The following TENM2 variants were observed in gnomAD, a reference collection of about 807,000 sequenced individuals.
The protein encoded by TENM2 is teneurin transmembrane protein 2.
Under a neutral mutation model 245.2 loss-of-function variants are expected in TENM2, and 52 were observed. The observed-to-expected ratio is 0.21, with a 90% CI of 0.17 to 0.27. The LOEUF (loss-of-function observed/expected upper bound fraction) is 0.27, where lower values mean the gene tolerates loss of function less well. Among genes scored for constraint, TENM2 ranks in the 10% least tolerant of loss-of-function variants. The pLI is 1.00. For synonymous variants in TENM2, 1,363 were observed against 1,438.9 expected (o/e 0.95, Z 1.19); for missense variants, 3,046 against 3,666.8 (o/e 0.83, Z 4.37).
chr5:167,233,922 TA>T, the TENM2 span, among the ~76,000 whole-genome samples: 1 of 149,866 alleles, frequency 6.7e-6, no homozygotes. Flanking sequence ...AATGGTGCTT[TA>T]AAAAAGGATG....
At chr5:167,782,313 CAAAAAAAAAAA>C (rs767675565) in intron 2 of TENM2, among the ~76,000 whole-genome samples, 1 of 58,772 alleles carries the variant, frequency 1.7e-5, no homozygotes, top group Non-Finnish European at 3.3e-5. Context: ...AACTCTGTCT[CAAAAAAAAAAA>C]AAAAAAAAAA....
chr5:167,133,844 G>T, the TENM2 span, among the ~76,000 whole-genome samples: 24 of 150,136 alleles, frequency 1.6e-4, no homozygotes, highest in Non-Finnish European at 2.5e-4. Flanking sequence ...AAGGAAAAAA[G>T]AAAATCAAGG....
At chr5:167,432,749 C>A (rs1018558575) in intron 2 of TENM2, among the ~76,000 whole-genome samples, 2 of 152,004 alleles carry the variant, frequency 1.3e-5, no homozygotes, top group Non-Finnish European at 2.9e-5. Context: ...TACCTTTCTC[C>A]CTCATTTCCA....
intron 5 of TENM2, among the ~76,000 whole-genome samples, chr5:168,030,714 A>C (rs999100258): frequency 6.6e-6 from 1 of 152,224 alleles, no homozygotes; most frequent in Non-Finnish European, 1.5e-5. Context: ...ATGGAGCTCT[A>C]TGAAGCTACA....
the TENM2 span, among the ~76,000 whole-genome samples, chr5:167,210,112 G>T: frequency 2.0e-5 from 3 of 152,240 alleles, no homozygotes; most frequent in African/African-American, 7.2e-5. Flanking sequence ...TAACCCACAG[G>T]ATAACTTCAT....
chr5:167,509,640 G>A (rs1383400653), intron 2 of TENM2, among the ~76,000 whole-genome samples: 3 of 152,138 alleles, frequency 2.0e-5, no homozygotes, highest in Non-Finnish European at 4.4e-5. Context: ...GACTTCTCTA[G>A]AAGAGGTCAT....
chr5:167,317,611 G>C (rs973867968), intron 1 of TENM2, among the ~76,000 whole-genome samples: 13 of 152,138 alleles, frequency 8.5e-5, no homozygotes, highest in Admixed American at 8.5e-4. Context: ...CTTAGGCACT[G>C]CCTGCCATTG....
At chr5:168,109,631 A>C (rs1458382684) in intron 9 of TENM2, among the ~76,000 whole-genome samples, 2 of 152,190 alleles carry the variant, frequency 1.3e-5, no homozygotes, top group Non-Finnish European at 2.9e-5. Flanking sequence ...GATTTTGTTA[A>C]ATATCCAAAT....
chr5:167,926,491 G>A (rs166028), intron 3 of TENM2, among the ~76,000 whole-genome samples: 6,209 of 152,146 alleles, frequency 0.041, 177 homozygotes, highest in Non-Finnish European at 0.059. Context: ...AGGCCAAGGC[G>A]GACAGATCAC....
At chr5:167,357,000 T>G (rs894776112) in intron 1 of TENM2, among the ~76,000 whole-genome samples, 2 of 152,204 alleles carry the variant, frequency 1.3e-5, no homozygotes, top group Non-Finnish European at 2.9e-5. Flanking sequence ...ATTGTGGGCC[T>G]TATAATACTG....
At chr5:167,409,164 TGAAAA>T (rs1762781738) in intron 2 of TENM2, among the ~76,000 whole-genome samples, 1 of 151,892 alleles carries the variant, frequency 6.6e-6, no homozygotes, top group Non-Finnish European at 1.5e-5. Flanking sequence ...CAATGTCACT[TGAAAA>T]GAATACAGCA....
At chr5:167,904,777 G>T (rs756705125) in intron 3 of TENM2, among the ~76,000 whole-genome samples, 1 of 152,206 alleles carries the variant, frequency 6.6e-6, no homozygotes, top group South Asian at 2.1e-4. Flanking sequence ...AACCCATAAG[G>T]AGGGTGACCA....
chr5:167,754,945 C>T, intron 2 of TENM2: 1 of 1,443,216 alleles, frequency 6.9e-7, no homozygotes. Context: ...TATGCTTTTC[C>T]TTCCCAGCTG....
At chr5:167,526,765 G>A (rs1771152699) in intron 2 of TENM2, among the ~76,000 whole-genome samples, 1 of 151,946 alleles carries the variant, frequency 6.6e-6, no homozygotes, top group Non-Finnish European at 1.5e-5. Flanking sequence ...CATAGATAAT[G>A]CTTTCTCCGT....
intron 5 of TENM2, among the ~76,000 whole-genome samples, chr5:168,024,619 T>C (rs1368082182): frequency 6.6e-6 from 1 of 152,226 alleles, no homozygotes; most frequent in Non-Finnish European, 1.5e-5. Flanking sequence ...GCTGAGCTCC[T>C]CTGTCAGCAC....
chr5:167,286,216 C>G (rs1313758908), intron 1 of TENM2, among the ~76,000 whole-genome samples: 4 of 152,128 alleles, frequency 2.6e-5, no homozygotes, highest in African/African-American at 4.8e-5. Flanking sequence ...AACAGAGAAA[C>G]TGTTAGAATT....
At chr5:168,235,019 A>C (rs1765298520) in intron 25 of TENM2, among the ~76,000 whole-genome samples, 1 of 152,140 alleles carries the variant, frequency 6.6e-6, no homozygotes. Context: ...ACAGTGACAG[A>C]GGAGGGAGGT....
chr5:168,181,828 C>T (rs1248324776), intron 13 of TENM2, among the ~76,000 whole-genome samples: 1 of 151,852 alleles, frequency 6.6e-6, no homozygotes, highest in Non-Finnish European at 1.5e-5. Context: ...AGGTGTGCAC[C>T]ACCACACCCA....
intron 2 of TENM2, among the ~76,000 whole-genome samples, chr5:167,488,476 A>T: frequency 6.6e-6 from 1 of 151,426 alleles, no homozygotes; most frequent in African/African-American, 2.4e-5. Context: ...CCAGCCAATC[A>T]CTCCCTCCTT....
Sources: allele counts gnomAD v4.1 joint callset (sites outside exome capture counted in the v4.1 genomes callset), GRCh38; gene constraint gnomAD v4.1.1; transcripts MANE v1.5; gene names NCBI Gene and HGNC (gene_info 2026-07-23, HGNC 2026-07-21).